BMP1: variants seen among roughly 807,000 people sequenced by gnomAD.
BMP1 encodes the protein bone morphogenetic protein 1.
Under a neutral mutation model 116.8 loss-of-function variants are expected in BMP1, and 63 were observed. The ratio of observed to expected loss-of-function variants is 0.54; its 90% CI spans 0.44 to 0.67. BMP1 has a LOEUF of 0.67. BMP1 is among the 30% of genes least tolerant of loss of function. BMP1 has a pLI of 0.00. For missense variants in BMP1, 1,183 were observed against 1,358.9 expected, an observed-to-expected ratio of 0.87 and a Z score of 2.04; for synonymous variants, 536 against 533.4, an observed-to-expected ratio of 1.00 and a Z score of -0.07.
At chr8:22,166,244 G>C (rs12542681) in intron 1 of BMP1, among the ~76,000 whole-genome samples, 67,575 of 151,594 alleles carry the variant, frequency 0.45, 15,243 homozygotes, top group Middle Eastern at 0.49. Context: ...AGAGACCCCC[G>C]CCAAGGCCAA....
At chr8:22,171,060 C>T (rs866345549) in intron 1 of BMP1, 2 of 152,248 alleles carry the variant, frequency 1.3e-5, no homozygotes, top group Admixed American at 6.5e-5. Context: ...ATCCCATGTC[C>T]TTGTTAAGGC....
At chr8:22,198,741 C>A (rs982029124) in intron 15 of BMP1, 6 of 197,022 alleles carry the variant, frequency 3.0e-5, no homozygotes, top group Non-Finnish European at 5.0e-5. Flanking sequence ...CCCTGCCTGA[C>A]CCCCGGATGC....
At chr8:22,196,074 C>A in intron 13 of BMP1, 1 of 409,608 alleles carries the variant, frequency 2.4e-6, no homozygotes, top group Non-Finnish European at 4.9e-6. Context: ...CCCCCGTAGG[C>A]CGCATTCTGG....
chr8:22,197,440 C>A lies in BMP1; in HGVS notation c.2107+20C>A. 6.3e-7 allele frequency: 1 copy of A among 1,587,948 alleles called. No individual in the cohort carries two copies. Among genetic ancestry groups the A allele is most frequent in the Non-Finnish European group, 8.6e-7 (1 of 1,159,490 alleles). ...TCTCAGGTATCCCTGGACTGCCCAG[C>A]TCCTAGCCCCACCTCTCCTCGGAGA... On this transcript the variant is annotated intron_variant, in intron 15 of 19. Coordinates refer to ENST00000306385, the MANE Select transcript of BMP1 (RefSeq NM_006129.5).
In BMP1 at chr8:22,195,319, A is replaced by G. The variant is rs926295151; in HGVS notation, c.1640-143A>G. The G allele has an allele frequency of 1.2e-5, 12 of 1,013,106 alleles. No homozygotes were observed. The East Asian group carries it at 1.9e-4, about 16-fold the overall frequency. The allele number at this position is 1,013,106 out of a possible 1,614,324, so 62.8% of individuals were successfully genotyped here. A position where few individuals can be genotyped will look rare whatever the true frequency, so the allele number is the denominator to read the frequency against. On this transcript the variant is annotated intron_variant, in intron 12 of 19. Coordinates refer to ENST00000306385, the MANE Select transcript of BMP1 (RefSeq NM_006129.5). ...CACGTGAGAGACACCAGCCCAGTCC[A>G]TGTGCTCTGAAGGAAGGCTCTGTGG...
In BMP1 at chr8:22,179,660, A is replaced by G; in HGVS notation, c.837-45A>G. The G allele has an allele frequency of 6.2e-7, 1 of 1,611,180 alleles. No individual in the cohort carries two copies. Among genetic ancestry groups the G allele is most frequent in the Non-Finnish European group, 8.5e-7 (1 of 1,178,414 alleles). On this transcript the variant is annotated intron_variant, in intron 6 of 19. Transcript: ENST00000306385. The surrounding 1 kb of genome is among the most constrained non-coding windows in gnomAD (Gnocchi z 4.6). ...TGGGCATGCCACCCACTCCCTGCCC[A>G]CTGTCCATGAGACGCTCACCCTTAC...
In BMP1 at chr8:22,196,749, C is replaced by A; in HGVS notation, c.1835C>A (p.Pro612His). 3.1e-6 allele frequency: 5 copies of A among 1,614,080 alleles called. No individual in the cohort carries two copies. The highest frequency in any genetic ancestry group is 3.4e-6 in the Non-Finnish European group (4 of 1,180,020). Reference protein sequence around the residue: ...ITSPGWPKEYPPNKNCIWQLV... With the variant: ...ITSPGWPKEYHPNKNCIWQLV... ...AGCCCGGGCTGGCCCAAGGAGTACC[C>A]CCCCAACAAGAACTGCATCTGGCAG... The change falls in exon 14 of 20, where the codon CCC becomes CAC. Residue 612 changes from proline (P) to histidine (H), a missense_variant. Physicochemically the swap from Pro to His is moderately conservative, Grantham distance 77. Around this residue, in one of 4 missense-constraint regions of BMP1, gnomAD observed 956 missense variants for 1,135.2 expected, o/e 0.84. Transcript: ENST00000306385.
Position 22,207,451 on chromosome 8 carries a change from T to C in BMP1, c.2510T>C (p.Met837Thr). The part of the protein sequence containing the change: ...PEPVLATGSR[M>T]FLRFYSDNSV... ...CCCGTCCTGGCCACAGGCAGCCGCA[T>C]GTTCCTGCGCTTCTACTCAGATAAC... Residue 837 changes from methionine (M) to threonine (T), a missense_variant, in exon 18 of 20, where the codon ATG becomes ACG. Physicochemically the swap from Met to Thr is moderately conservative, Grantham distance 81. Transcript: ENST00000306385. 1.9e-6 allele frequency: 3 copies of C among 1,614,134 alleles called. No homozygotes were observed. The highest frequency in any genetic ancestry group is 2.2e-5 in the South Asian group (2 of 91,086).
chr8:22,197,145 C>G (rs895204140), intron 14 of BMP1, 95 bp from the exon 15 acceptor site: 4 of 1,487,336 alleles, frequency 2.7e-6, no homozygotes, highest in African/African-American at 1.4e-5. Context: ...TAAGTCAAGG[C>G]TAAAGGATGT....
intron 1 of BMP1, among the ~76,000 whole-genome samples, chr8:22,167,400 C>T (rs1241970236): frequency 6.6e-6 from 1 of 152,206 alleles, no homozygotes; most frequent in Non-Finnish European, 1.5e-5. Context: ...CAGGGAGTTT[C>T]CTGCCCCTCT....
At chr8:22,209,399 G>A (rs1320876148) in intron 18 of BMP1, 46 bp from the exon 19 acceptor site, 2 of 1,599,554 alleles carry the variant, frequency 1.3e-6, no homozygotes, top group Non-Finnish European at 1.7e-6. Context: ...ATGGGGCCTG[G>A]CACCTGCGGT....
At chr8:22,192,322 C>T (rs1828958970) in intron 9 of BMP1, 171 bp downstream of exon 9, 2 of 574,378 alleles carry the variant, frequency 3.5e-6, no homozygotes, top group Admixed American at 5.9e-5. Context: ...TACTCACTTG[C>T]TGCGAGACTT....
intron 1 of BMP1, chr8:22,169,521 C>A: frequency 6.6e-6 from 1 of 152,416 alleles, no homozygotes. Flanking sequence ...GCCTTGTAGG[C>A]AAGCATGTTC....
At position 22,201,457 on chromosome 8, in the gene BMP1, C is replaced by T. The variant is rs527798004; in HGVS notation, c.2108-346C>T. 9.3e-6 allele frequency: 13 copies of T among 1,404,286 alleles called. No homozygotes were observed. In the African/African-American group the frequency reaches 1.7e-4, roughly 19 times the overall value. The allele number at this position is 1,404,286 out of a possible 1,614,324, so 87.0% of individuals were successfully genotyped here. On this transcript the variant is annotated intron_variant, in intron 15 of 19. Coordinates refer to ENST00000306385, the MANE Select transcript of BMP1 (RefSeq NM_006129.5). ...CCTGTTGTGAAGTAAAAGAGGGACC[C>T]CTGCGTCCTGCTCCTTTCTCTTGCA...
intron 1 of BMP1, among the ~76,000 whole-genome samples, chr8:22,167,876 C>G (rs532501349): frequency 2.6e-4 from 39 of 152,300 alleles, no homozygotes; most frequent in Non-Finnish European, 5.1e-4. Context: ...CACTGCCTTC[C>G]AGCCACAGGT....
chr8:22,186,781 A>C (rs1828783678), intron 8 of BMP1, among the ~76,000 whole-genome samples: 2 of 151,864 alleles, frequency 1.3e-5, no homozygotes, highest in South Asian at 4.2e-4. Context: ...CCAACTATAA[A>C]ATGAGCCTGG....
chr8:22,165,929 T>C (rs570277119), intron 1 of BMP1, among the ~76,000 whole-genome samples: 168 of 67,352 alleles, frequency 2.5e-3, no homozygotes, highest in African/African-American at 6.8e-3. Flanking sequence ...GTGTGTGTTC[T>C]TTCCCCTTCT....
chr8:22,179,063 G>A lies in BMP1; in HGVS notation c.837-642G>A, dbSNP rs565941762. 4.6e-5 allele frequency among the ~76,000 whole-genome samples: 7 copies of A among 152,284 alleles called. No individual in the cohort carries two copies. The highest frequency in any genetic ancestry group is 3.9e-4 in the Admixed American group (6 of 15,306). The stretch of plus-strand genomic sequence containing the variant: ...GCTGGGTGTGAGTCAGGGGCCCTGG[G>A]GAGGTGGAGGGCTGCCTGCCTCCCC... On this transcript the variant is annotated intron_variant, in intron 6 of 19. Coordinates refer to ENST00000306385, the MANE Select transcript of BMP1 (RefSeq NM_006129.5). This position sits in a 1 kb window ranked among gnomAD's most constrained non-coding sequence, Gnocchi z 4.6.
At chr8:22,195,404 A>G in intron 12 of BMP1, 58 bp from the exon 13 acceptor site, 1 of 1,554,992 alleles carries the variant, frequency 6.4e-7, no homozygotes, top group Non-Finnish European at 8.7e-7. Context: ...TGAGGCTCAC[A>G]GCCAGCTTCT....
Sources: gnomAD v4.1 joint callset for allele counts (sites outside exome capture counted in the v4.1 genomes callset) on GRCh38, gnomAD v4.1.1 for gene constraint, gnomAD v4.1.1 regional missense constraint, Gnocchi (gnomAD v3.1) non-coding constraint, MANE v1.5 for transcripts, NCBI Gene and HGNC (gene_info 2026-07-23, HGNC 2026-07-21) for gene names.